The following TCF7L1 variants were observed in gnomAD, a reference collection of about 807,000 sequenced individuals.
The protein encoded by TCF7L1 is transcription factor 7 like 1.
TCF7L1 carries 18 observed loss-of-function variants against 63.7 expected under a neutral mutation model. That is an observed-to-expected ratio of 0.28 (90% confidence interval 0.20 to 0.42). The LOEUF (loss-of-function observed/expected upper bound fraction) is 0.42, where lower values mean the gene tolerates loss of function less well. TCF7L1 is among the 10% of genes least tolerant of loss of function. The pLI is 1.00. For synonymous variants in TCF7L1, 355 were observed against 340.9 expected (o/e 1.04, Z -0.46); for missense variants, 654 against 779.3 (o/e 0.84, Z 1.91).
At chr2:85,218,290 C>G (rs1048885168) in intron 3 of TCF7L1, among the ~76,000 whole-genome samples, 1 of 150,994 alleles carries the variant, frequency 6.6e-6, no homozygotes, top group Admixed American at 6.6e-5. Context: ...AGATCTTGCT[C>G]TGTCACCCAG....
intron 3 of TCF7L1, among the ~76,000 whole-genome samples, chr2:85,262,842 C>A (rs1248663848): frequency 2.0e-5 from 3 of 152,168 alleles, no homozygotes; most frequent in Non-Finnish European, 4.4e-5. Flanking sequence ...AAATGACACC[C>A]AAGAGCGGGG....
chr2:85,159,198 C>A (rs1256901085), intron 3 of TCF7L1, among the ~76,000 whole-genome samples: 1 of 152,040 alleles, frequency 6.6e-6, no homozygotes, highest in East Asian at 2.0e-4. Context: ...GGTGTTCCTG[C>A]AGTGTCTGCG....
At chr2:85,213,347 A>G (rs1014617982) in intron 3 of TCF7L1, among the ~76,000 whole-genome samples, 3 of 152,216 alleles carry the variant, frequency 2.0e-5, no homozygotes, top group Non-Finnish European at 4.4e-5. Context: ...CAAATCAGGA[A>G]TATCCTATAA....
intron 3 of TCF7L1, among the ~76,000 whole-genome samples, chr2:85,251,430 G>A (rs949229850): frequency 6.6e-6 from 1 of 152,130 alleles, no homozygotes. Context: ...AAACAGTAGG[G>A]GTCTAATACA....
In TCF7L1 at chr2:85,245,243, A is replaced by G. The variant is rs374672363; in HGVS notation, c.442-38252A>G. On this transcript the variant is annotated intron_variant, in intron 3 of 11. Coordinates refer to ENST00000282111, the MANE Select transcript of TCF7L1 (RefSeq NM_031283.3). Reference sequence around the variant, plus strand: ...TTATCTGAGAAGATTGGTGTAATCAATGGTTTGGTGTCAGGCTCCCATAGA... The same window carrying G: ...TTATCTGAGAAGATTGGTGTAATCAGTGGTTTGGTGTCAGGCTCCCATAGA... 1.1e-4 allele frequency among the ~76,000 whole-genome samples: 16 copies of G among 152,316 alleles called. No homozygotes were observed. The East Asian group carries it at 2.1e-3, about 20-fold the overall frequency.
intron 3 of TCF7L1, among the ~76,000 whole-genome samples, chr2:85,212,482 C>T (rs545028099): frequency 6.6e-6 from 1 of 152,320 alleles, no homozygotes; most frequent in South Asian, 2.1e-4. Context: ...GGGAAGCATT[C>T]ATGTGCTTGC....
At chr2:85,253,871 C>A (rs148941001) in intron 3 of TCF7L1, among the ~76,000 whole-genome samples, 212 of 152,344 alleles carry the variant, frequency 1.4e-3, no homozygotes, top group Non-Finnish European at 2.6e-3. Flanking sequence ...ATCAAGGTAA[C>A]AACTGGTAAG....
intron 3 of TCF7L1, among the ~76,000 whole-genome samples, chr2:85,195,144 G>A (rs886253996): frequency 6.6e-6 from 1 of 152,208 alleles, no homozygotes; most frequent in Non-Finnish European, 1.5e-5. Context: ...TTGTAACCTT[G>A]AGCAAGTTAC....
intron 3 of TCF7L1, among the ~76,000 whole-genome samples, chr2:85,159,816 CT>C (rs1245178247): frequency 6.6e-6 from 1 of 152,240 alleles, no homozygotes; most frequent in Non-Finnish European, 1.5e-5. Flanking sequence ...TCCTTCTGCC[CT>C]TCACAAAGTC....
At position 85,309,341 on chromosome 2, in the gene TCF7L1, G is replaced by C; in HGVS notation, c.1646G>C (p.Gly549Ala). 1 of 1,612,414 alleles carries C rather than the reference G, an allele frequency of 6.2e-7. No individual in the cohort carries two copies. Among genetic ancestry groups the C allele is most frequent in the Non-Finnish European group, 8.5e-7 (1 of 1,179,664 alleles). Residue 549 changes from glycine (G) to alanine (A), a missense_variant, in exon 12 of 12, where the codon GGG (glycine) becomes GCG (alanine). Coordinates refer to ENST00000282111, the MANE Select transcript of TCF7L1 (RefSeq NM_031283.3). ...CTCCTGTCCCGGCCCCTCCCCCTTGGGTCCATGCCCACAGCTCTGCTGGCC... is the reference window on the plus strand; with the variant it reads ...CTCCTGTCCCGGCCCCTCCCCCTTGCGTCCATGCCCACAGCTCTGCTGGCC... ...PPLLSRPLPL[G>A]SMPTALLASP... is the part of the protein sequence containing the mutation.
Position 85,309,642 on chromosome 2 carries a change from T to C in TCF7L1, c.*180T>C. 1.9e-6 allele frequency: 1 copy of C among 526,430 alleles called. No homozygotes were observed. The highest frequency in any genetic ancestry group is 3.1e-6 in the Non-Finnish European group (1 of 325,862). 32.6% of individuals were successfully genotyped at this position (526,430 alleles called of 1,614,324 possible). ...AACCAGTAGCTGATCTTAAGGCTTTTTTAAAAAACAAAACAAAACAACAAA... is the reference window on the plus strand; with the variant it reads ...AACCAGTAGCTGATCTTAAGGCTTTCTTAAAAAACAAAACAAAACAACAAA... On this transcript the variant is annotated 3_prime_UTR_variant, in exon 12 of 12. Transcript: ENST00000282111.
At position 85,224,997 on chromosome 2, in the gene TCF7L1, T is replaced by C. The variant is rs146188619; in HGVS notation, c.442-58498T>C. On this transcript the variant is annotated intron_variant, in intron 3 of 11. Transcript: ENST00000282111. ...GGATCCAGTTTTAGCTTTCTACATA[T>C]GGCTAGCCAGTTTTCCCAGCACCAT... Among the ~76,000 whole-genome samples, 560 of 152,316 alleles carry C rather than the reference T, an allele frequency of 3.7e-3. 27 individuals carry two copies. In the East Asian group the frequency reaches 0.09, roughly 24 times the overall value.
At chr2:85,240,963 T>G (rs1288282339) in intron 3 of TCF7L1, among the ~76,000 whole-genome samples, 2 of 152,214 alleles carry the variant, frequency 1.3e-5, no homozygotes, top group South Asian at 2.1e-4. Context: ...TGTTAAGTTT[T>G]ATTTTAATGG....
intron 3 of TCF7L1, among the ~76,000 whole-genome samples, chr2:85,210,620 A>C (rs921653023): frequency 2.0e-5 from 3 of 152,206 alleles, no homozygotes; most frequent in East Asian, 3.9e-4. Context: ...GTGCGGAGGG[A>C]GGGCTGGGTT....
chr2:85,183,281 T>A (rs1187271227), intron 3 of TCF7L1, among the ~76,000 whole-genome samples: 1 of 152,164 alleles, frequency 6.6e-6, no homozygotes, highest in Non-Finnish European at 1.5e-5. Context: ...AGGCAGATCA[T>A]GAATGGAGGT....
At chr2:85,156,352 C>A (rs887172622) in intron 3 of TCF7L1, among the ~76,000 whole-genome samples, 3 of 152,310 alleles carry the variant, frequency 2.0e-5, no homozygotes, top group Admixed American at 2.0e-4. Flanking sequence ...GAATGACCAC[C>A]GCAGCCTGCT....
In TCF7L1 at chr2:85,134,229, G is replaced by T; in HGVS notation, c.314-94G>T. 1.4e-6 allele frequency: 2 copies of T among 1,478,028 alleles called. No individual in the cohort carries two copies. Among genetic ancestry groups the T allele is most frequent in the Non-Finnish European group, 1.8e-6 (2 of 1,113,270 alleles). The allele number at this position is 1,478,028 out of a possible 1,614,324, so 91.6% of individuals were successfully genotyped here. A position where few individuals can be genotyped will look rare whatever the true frequency, so the allele number is the denominator to read the frequency against. ...AGCCCCCGTGGGGCGCGCGTGGGGG[G>T]CGCTGGGGTCCCCAGCTCCCGCCTC... On this transcript the variant is annotated intron_variant, in intron 2 of 11. Transcript: ENST00000282111. This position sits in a 1 kb window ranked among gnomAD's most constrained non-coding sequence, Gnocchi z 5.0.
intron 6 of TCF7L1, 24 bp downstream of exon 6, chr2:85,304,021 C>G (rs186109570): frequency 6.5e-7 from 1 of 1,531,338 alleles, no homozygotes; most frequent in East Asian, 2.3e-5. Flanking sequence ...AGCCTCTCTT[C>G]CCCCTGCTCC....
chr2:85,268,871 G>A (rs1681076857), intron 3 of TCF7L1, among the ~76,000 whole-genome samples: 1 of 152,174 alleles, frequency 6.6e-6, no homozygotes, highest in African/African-American at 2.4e-5. Context: ...CGGGCAGCAG[G>A]GTGTGTGACC....
Sources: gnomAD v4.1 joint callset for allele counts (sites outside exome capture counted in the v4.1 genomes callset) on GRCh38, gnomAD v4.1.1 for gene constraint, Gnocchi (gnomAD v3.1) non-coding constraint, MANE v1.5 for transcripts, NCBI Gene and HGNC (gene_info 2026-07-23, HGNC 2026-07-21) for gene names.